RASA2: variants seen among roughly 807,000 people sequenced by gnomAD.
RASA2 encodes the protein RAS p21 protein activator 2.
A neutral mutation model predicts 118.2 loss-of-function variants in RASA2; 155 were observed. The ratio of observed to expected loss-of-function variants is 1.31; its 90% confidence interval spans 1.15 to 1.50. RASA2 has a LOEUF of 1.50. Among genes scored for constraint, RASA2 ranks in the 40% most tolerant of loss-of-function variants. RASA2 has a pLI of 0.00. For missense variants in RASA2, 1,016 were observed against 1,009.6 expected (o/e 1.01, Z -0.09); for synonymous variants, 353 against 349.1 (o/e 1.01, Z -0.12).
chr3:141,554,915 C>CA (rs1002559160), intron 6 of RASA2, among the ~76,000 whole-genome samples: 26 of 152,076 alleles, frequency 1.7e-4, no homozygotes, highest in African/African-American at 6.3e-4. Context: ...CTCTACCTGA[C>CA]AAATTATTTG....
At chr3:141,529,194 T>C (rs1207665909) in intron 3 of RASA2, among the ~76,000 whole-genome samples, 1 of 152,074 alleles carries the variant, frequency 6.6e-6, no homozygotes, top group East Asian at 1.9e-4. Context: ...AATAATAAAA[T>C]TGTTATAATC....
intron 9 of RASA2, among the ~76,000 whole-genome samples, chr3:141,564,120 A>G (rs773418130): frequency 5.9e-5 from 9 of 152,202 alleles, no homozygotes; most frequent in Non-Finnish European, 1.0e-4. Context: ...CAATGTATGC[A>G]TAAAAATGAG....
At chr3:141,556,948 C>G (rs2082658851) in intron 7 of RASA2, among the ~76,000 whole-genome samples, 1 of 152,014 alleles carries the variant, frequency 6.6e-6, no homozygotes, top group Non-Finnish European at 1.5e-5. Context: ...CATTTCCTGG[C>G]TAAGGACTTG....
At chr3:141,580,055 CAGGAAAAAAAA>C in intron 15 of RASA2, among the ~76,000 whole-genome samples, 1 of 56,626 alleles carries the variant, frequency 1.8e-5, no homozygotes, top group Non-Finnish European at 3.0e-5. Context: ...GACTCCATCT[CAGGAAAAAAAA>C]AAGAAAAAAA....
intron 1 of RASA2, among the ~76,000 whole-genome samples, chr3:141,497,219 GTA>G (rs897943509): frequency 1.3e-5 from 2 of 150,832 alleles, no homozygotes; most frequent in Non-Finnish European, 3.0e-5. Context: ...TATACCTAAT[GTA>G]AATGACGAAT....
rs549969181 is a variant in RASA2, at chr3:141,609,603, G to A, written c.2329+80G>A. On this transcript the variant is annotated intron_variant, in intron 22 of 23. Transcript: ENST00000286364. Reference sequence around the variant, plus strand: ...AGTATTGCTTTAGCATTATACAAAAGTTGAAAATACTCATAGATTTACCAA... The same window carrying A: ...AGTATTGCTTTAGCATTATACAAAAATTGAAAATACTCATAGATTTACCAA... 29 of 1,136,688 alleles carry A rather than the reference G, an allele frequency of 2.6e-5. No homozygotes were observed. In the South Asian group the frequency reaches 5.0e-4, roughly 20 times the overall value. The allele number at this position is 1,136,688 out of a possible 1,614,324, so 70.4% of individuals were successfully genotyped here. A position where few individuals can be genotyped will look rare whatever the true frequency, so the allele number is the denominator to read the frequency against.
At chr3:141,503,625 C>T (rs1443485873) in intron 1 of RASA2, among the ~76,000 whole-genome samples, 2 of 152,178 alleles carry the variant, frequency 1.3e-5, no homozygotes, top group Non-Finnish European at 2.9e-5. Context: ...TGAAGCCTTC[C>T]TTGAGCTACC....
chr3:141,541,208 G>A (rs1381453829), intron 5 of RASA2, among the ~76,000 whole-genome samples: 1 of 152,058 alleles, frequency 6.6e-6, no homozygotes, highest in African/African-American at 2.4e-5. Flanking sequence ...TGCATTAGTT[G>A]ACATCTGAAT....
In RASA2 at chr3:141,574,027, C is replaced by T; in HGVS notation, c.1443C>T (p.Ile481=). Residue 481 remains isoleucine (I), a synonymous_variant, in exon 14 of 24, where the codon ATC becomes ATT. Coordinates refer to ENST00000286364, the MANE Select transcript of RASA2 (RefSeq NM_006506.5). ...SMSCPTVMCD[I]FYSLRQMATQ... The stretch of plus-strand genomic sequence containing the variant: ...GCTGCCCCACTGTAATGTGTGATAT[C>T]TTTTATTCTCTAAGGCAGATGGCTA... The T allele has an allele frequency of 6.3e-7, 1 of 1,588,442 alleles. No individual in the cohort carries two copies. Among genetic ancestry groups the T allele is most frequent in the Non-Finnish European group, 8.6e-7 (1 of 1,163,098 alleles).
chr3:141,529,425 A>G (rs886560869), intron 3 of RASA2, among the ~76,000 whole-genome samples: 3 of 152,076 alleles, frequency 2.0e-5, no homozygotes, highest in South Asian at 2.1e-4. Context: ...ATGAATCTGA[A>G]TAAGTACTAA....
chr3:141,589,699 G>T (rs972501722), intron 19 of RASA2, among the ~76,000 whole-genome samples: 2 of 152,080 alleles, frequency 1.3e-5, no homozygotes, highest in Admixed American at 1.3e-4. Flanking sequence ...AAATTAGCCA[G>T]GCGTGGTGGT....
At chr3:141,529,951 C>A in intron 4 of RASA2, 149 bp downstream of exon 4, 2 of 594,882 alleles carry the variant, frequency 3.4e-6, no homozygotes, top group Non-Finnish European at 5.7e-6. Context: ...TAATATAGGA[C>A]AGGAAGGTAA....
chr3:141,602,493 C>T (rs544074685), intron 19 of RASA2, among the ~76,000 whole-genome samples: 3 of 152,142 alleles, frequency 2.0e-5, no homozygotes, highest in Admixed American at 6.5e-5. Flanking sequence ...GCTGGGTGGC[C>T]CAGTTCCTAA....
chr3:141,586,752 G>T lies in RASA2; in HGVS notation c.1933G>T (p.Gly645Cys). The change falls in exon 19 of 24, where the codon GGC becomes TGC. Residue 645 changes from glycine to cysteine, a missense_variant and splice_region_variant. Around this residue, in one of 2 missense-constraint regions of RASA2, gnomAD observed 896 missense variants for 836.4 expected, o/e 1.07. Transcript: ENST00000286364. ...SRELTYHKQP[G>C]KDAIYTIPVK... is the part of the protein sequence containing the mutation. ...AGAGCTCACCTACCACAAACAGCCA[G>T]GTAGTTGTGTTTATGCTTTATTGTG... 1 of 1,606,230 alleles carries T rather than the reference G, an allele frequency of 6.2e-7. No individual in the cohort carries two copies.
At chr3:141,512,134 A>T in intron 1 of RASA2, 29 bp from the exon 2 acceptor site, 1 of 1,465,124 alleles carries the variant, frequency 6.8e-7, no homozygotes, top group Non-Finnish European at 9.5e-7. Flanking sequence ...GATGATATTT[A>T]ATAACAATTT....
chr3:141,502,313 G>A (rs1160678135), intron 1 of RASA2, among the ~76,000 whole-genome samples: 1 of 151,992 alleles, frequency 6.6e-6, no homozygotes, highest in African/African-American at 2.4e-5. Context: ...CCTTAATGTA[G>A]GCTCTTCAGA....
At chr3:141,593,757 A>G (rs2083321174) in intron 19 of RASA2, among the ~76,000 whole-genome samples, 1 of 152,240 alleles carries the variant, frequency 6.6e-6, no homozygotes, top group Non-Finnish European at 1.5e-5. Context: ...TAAAGACTAT[A>G]TTCTAGGATT....
At chr3:141,589,368 T>C (rs534852974) in intron 19 of RASA2, among the ~76,000 whole-genome samples, 1 of 152,356 alleles carries the variant, frequency 6.6e-6, no homozygotes, top group East Asian at 1.9e-4. Context: ...TGAAGTATTT[T>C]TCGGTTTATA....
intron 23 of RASA2, among the ~76,000 whole-genome samples, chr3:141,611,047 A>G (rs2083643943): frequency 1.3e-5 from 2 of 152,232 alleles, no homozygotes; most frequent in African/African-American, 4.8e-5. Context: ...TTACTCCAGC[A>G]AGGGGCACTG....
Sources: allele counts gnomAD v4.1 joint callset (sites outside exome capture counted in the v4.1 genomes callset), GRCh38; gene constraint gnomAD v4.1.1; regional missense constraint gnomAD v4.1.1; transcripts MANE v1.5; gene names NCBI Gene and HGNC (gene_info 2026-07-23, HGNC 2026-07-21).